The following DENND4C variants were observed in gnomAD, a reference collection of about 807,000 sequenced individuals.
DENND4C encodes the protein DENN domain-containing protein 4C.
In DENND4C, 108 loss-of-function variants were observed where a neutral mutation model predicts 203.0. The ratio of observed to expected loss-of-function variants is 0.53; its 90% CI spans 0.46 to 0.62. The LOEUF (loss-of-function observed/expected upper bound fraction) is 0.62, where lower values mean the gene tolerates loss of function less well. DENND4C is among the 20% of genes least tolerant of loss of function. The pLI, the probability that DENND4C is intolerant of heterozygous loss-of-function variation, is 0.00. For missense variants in DENND4C, 2,481 were observed against 2,301.2 expected, an observed-to-expected ratio of 1.08 and a Z score of -1.60; for synonymous variants, 871 against 792.4, an observed-to-expected ratio of 1.10 and a Z score of -1.67.
At chr9:19,363,947 G>C (rs1827069678) in intron 30 of DENND4C, among the ~76,000 whole-genome samples, 1 of 152,158 alleles carries the variant, frequency 6.6e-6, no homozygotes, top group South Asian at 2.1e-4. Context: ...CCGGGAAGCA[G>C]AGGTTGCAAT....
chr9:19,336,196 C>G (rs1820432188), intron 18 of DENND4C, 74 bp from the exon 19 acceptor site: 4 of 1,340,494 alleles, frequency 3.0e-6, no homozygotes, highest in Admixed American at 4.7e-5. Flanking sequence ...AACATACACA[C>G]ACACATATAT....
At chr9:19,306,246 A>G (rs1660343505) in intron 10 of DENND4C, among the ~76,000 whole-genome samples, 1 of 152,196 alleles carries the variant, frequency 6.6e-6, no homozygotes. Context: ...ATTGGTAGAA[A>G]ATGAAGAGAG....
At position 19,326,180 on chromosome 9, in the gene DENND4C, G is replaced by A; in HGVS notation, c.2106G>A (p.Leu702=). ...PEPPPDDGKD[L]SPKYSYKYFP... ...CACCTCCTGATGATGGAAAGGACCT[G>A]TCACCAAAGTACAGGTAGTAGGAAG... The change falls in exon 15 of 33, where the codon CTG becomes CTA. Residue 702 remains leucine (L), a synonymous_variant. Transcript: ENST00000434457. The A allele has an allele frequency of 6.2e-7, 1 of 1,611,852 alleles. No individual in the cohort carries two copies. Among genetic ancestry groups the A allele is most frequent in the Non-Finnish European group, 8.5e-7 (1 of 1,179,314 alleles).
chr9:19,361,826 T>C lies in DENND4C; in HGVS notation c.5407-20T>C, dbSNP rs759670659. 7.0e-7 allele frequency: 1 copy of C among 1,428,974 alleles called. No homozygotes were observed. Among genetic ancestry groups the C allele is most frequent in the South Asian group, 1.2e-5 (1 of 86,908 alleles). 88.5% of individuals were successfully genotyped at this position (1,428,974 alleles called of 1,614,324 possible). On this transcript the variant is annotated intron_variant, in intron 29 of 32. Transcript: ENST00000434457. ...ATTGTTATTCTCGGGATACTAATAC[T>C]TTCTTTTGATTTCTTTTAGCTTCCT...
chr9:19,315,826 C>A (rs905996159), intron 10 of DENND4C, among the ~76,000 whole-genome samples: 10 of 151,918 alleles, frequency 6.6e-5, no homozygotes, highest in African/African-American at 2.4e-4. Flanking sequence ...CTGCCTCAGC[C>A]TCCTGAGTAG....
At chr9:19,287,911 T>C (rs149699699) in intron 3 of DENND4C, among the ~76,000 whole-genome samples, 172 of 152,260 alleles carry the variant, frequency 1.1e-3, no homozygotes, top group African/African-American at 3.9e-3. Context: ...TTTGTATGTT[T>C]AGTAGAGATG....
chr9:19,251,210 C>T (rs931279369), intron 1 of DENND4C, among the ~76,000 whole-genome samples: 2 of 152,264 alleles, frequency 1.3e-5, no homozygotes, highest in East Asian at 3.8e-4. Context: ...TGTGCACTCA[C>T]AGGCTTAACA....
In DENND4C at chr9:19,347,591, C is replaced by T. The variant is rs545373444; in HGVS notation, c.4317+505C>T. On this transcript the variant is annotated intron_variant, in intron 23 of 32. Transcript: ENST00000434457. ...AGACAGTTCTGGTAACTTTGGTTTTCATATTTAAAAACTATGCATATTTGG... is the reference window on the plus strand; with the variant it reads ...AGACAGTTCTGGTAACTTTGGTTTTTATATTTAAAAACTATGCATATTTGG... Among the ~76,000 whole-genome samples, 4 of 152,210 alleles carry T rather than the reference C, an allele frequency of 2.6e-5. No homozygotes were observed. In the South Asian group the frequency reaches 8.3e-4, roughly 32 times the overall value.
At chr9:19,360,755 C>A (rs901663494) in intron 29 of DENND4C, among the ~76,000 whole-genome samples, 3 of 152,166 alleles carry the variant, frequency 2.0e-5, no homozygotes, top group Admixed American at 6.5e-5. Context: ...CATCTACTTT[C>A]TATCCAGCAG....
At chr9:19,347,108 A>G (rs1298961794) in intron 23 of DENND4C, 22 bp downstream of exon 23, 1 of 1,588,852 alleles carries the variant, frequency 6.3e-7, no homozygotes, top group African/African-American at 1.3e-5. Flanking sequence ...TTATGTGTGT[A>G]GTCTGTCTGC....
At chr9:19,353,195 A>T (rs1480311175) in intron 26 of DENND4C, among the ~76,000 whole-genome samples, 17 of 152,256 alleles carry the variant, frequency 1.1e-4, no homozygotes, top group Non-Finnish European at 2.5e-4. Flanking sequence ...GGCAATAGAT[A>T]TAAGACTAGC....
intron 2 of DENND4C, 154 bp downstream of exon 2, chr9:19,276,633 A>C (rs1179664882): frequency 2.2e-6 from 1 of 446,336 alleles, no homozygotes; most frequent in African/African-American, 2.0e-5. Flanking sequence ...TTATAGTAAT[A>C]TATTACATGC....
intron 1 of DENND4C, among the ~76,000 whole-genome samples, chr9:19,274,844 A>C (rs183958508): frequency 6.6e-6 from 1 of 152,334 alleles, no homozygotes; most frequent in Admixed American, 6.5e-5. Flanking sequence ...TGATGCACTC[A>C]ATTTATTTAA....
chr9:19,366,872 A>G (rs1827793804), intron 30 of DENND4C, among the ~76,000 whole-genome samples: 1 of 152,214 alleles, frequency 6.6e-6, no homozygotes, highest in Non-Finnish European at 1.5e-5. Flanking sequence ...TAGTCAAAAG[A>G]AAGAACTTCT....
At chr9:19,355,361 G>T (rs1231908151) in intron 26 of DENND4C, among the ~76,000 whole-genome samples, 1 of 151,980 alleles carries the variant, frequency 6.6e-6, no homozygotes, top group East Asian at 1.9e-4. Context: ...TTTTAAAGTT[G>T]TTCCCTATCC....
chr9:19,254,229 T>G (rs1827360539), intron 1 of DENND4C, among the ~76,000 whole-genome samples: 1 of 152,190 alleles, frequency 6.6e-6, no homozygotes, highest in South Asian at 2.1e-4. Context: ...GCAATCCCAC[T>G]TCTAGGTATA....
chr9:19,370,424 C>T (rs1054715926), intron 31 of DENND4C, among the ~76,000 whole-genome samples: 7 of 151,600 alleles, frequency 4.6e-5, no homozygotes, highest in Non-Finnish European at 1.5e-5. Flanking sequence ...GCTGCACTGC[C>T]ACCTGGGTGA....
chr9:19,301,964 C>A (rs1408841300), intron 9 of DENND4C, among the ~76,000 whole-genome samples: 1 of 152,104 alleles, frequency 6.6e-6, no homozygotes, highest in Non-Finnish European at 1.5e-5. Flanking sequence ...CCAAAATATT[C>A]CTTACTAAAA....
rs1376949525 is a variant in DENND4C, at chr9:19,346,625, G to A, written c.3856G>A (p.Glu1286Lys). 1 of 1,613,994 alleles carries A rather than the reference G, an allele frequency of 6.2e-7. No homozygotes were observed. The highest frequency in any genetic ancestry group is 8.5e-7 in the Non-Finnish European group (1 of 1,180,042). ...TGCACGTAATCTGGCTGATGAAATA[G>A]AAAGCTATATGAACCTAAAAAGTCC... Reference protein sequence around the residue: ...VIARNLADEIESYMNLKSPLG... With the variant: ...VIARNLADEIKSYMNLKSPLG... Residue 1286 changes from glutamate (E) to lysine (K), a missense_variant, in exon 23 of 33, where the codon GAA becomes AAA. Transcript: ENST00000434457.
Sources: allele counts gnomAD v4.1 joint callset (sites outside exome capture counted in the v4.1 genomes callset), GRCh38; gene constraint gnomAD v4.1.1; transcripts MANE v1.5; gene names NCBI Gene and HGNC (gene_info 2026-07-23, HGNC 2026-07-21).